Variants in PIGN observed in about 807,000 individuals in gnomAD.
PIGN encodes the protein phosphatidylinositol glycan anchor biosynthesis class N, also known as GPI ethanolamine phosphate transferase 1.
PIGN carries 117 observed loss-of-function variants against 125.4 expected under a neutral mutation model. The observed-to-expected ratio is 0.93, with a 90% CI of 0.80 to 1.09. The LOEUF (loss-of-function observed/expected upper bound fraction) is 1.09. Ranked by LOEUF, PIGN falls within the 50% of genes least tolerant of loss-of-function variation. The pLI is 0.00. For synonymous variants in PIGN, 392 were observed against 377.8 expected (o/e 1.04, Z -0.44); for missense variants, 1,075 against 1,094.9 (o/e 0.98, Z 0.26).
chr18:62,040,058 C>T (rs62096629), downstream of PIGN, among the ~76,000 whole-genome samples: 2,238 of 65,770 alleles, frequency 0.034, 371 homozygotes, highest in East Asian at 0.17. Context: ...GTGCCGCACC[C>T]CATGTTTAGG....
chr18:62,083,687 G>GA (rs202173779), intron 27 of PIGN, among the ~76,000 whole-genome samples: 138 of 151,544 alleles, frequency 9.1e-4, no homozygotes, highest in African/African-American at 3.1e-3. Context: ...AATAAACTGG[G>GA]AAAAAAAACC....
chr18:62,139,556 T>G (rs1188855739), intron 12 of PIGN, among the ~76,000 whole-genome samples: 2 of 152,244 alleles, frequency 1.3e-5, no homozygotes, highest in African/African-American at 4.8e-5. Flanking sequence ...CATTATTTTT[T>G]AAGAGTACAT....
intron 23 of PIGN, among the ~76,000 whole-genome samples, chr18:62,030,762 ATCT>A (rs1176423118): frequency 1.3e-5 from 2 of 152,208 alleles, no homozygotes; most frequent in Non-Finnish European, 2.9e-5. Context: ...AAAGATCATG[ATCT>A]TCTCACCACT....
intron 1 of PIGN, among the ~76,000 whole-genome samples, chr18:62,183,319 G>T (rs1362268823): frequency 2.0e-5 from 3 of 151,242 alleles, no homozygotes; most frequent in Non-Finnish European, 4.4e-5. Context: ...TCCTTAATGT[G>T]ACTAACAAGG....
At chr18:62,134,739 G>C (rs1374446637) in intron 14 of PIGN, among the ~76,000 whole-genome samples, 4 of 152,126 alleles carry the variant, frequency 2.6e-5, no homozygotes, top group Admixed American at 2.6e-4. Flanking sequence ...TTAAAGCCTT[G>C]ATCCACATGA....
intron 7 of PIGN, among the ~76,000 whole-genome samples, chr18:62,152,326 G>A (rs1301470016): frequency 1.3e-5 from 2 of 151,548 alleles, no homozygotes; most frequent in Non-Finnish European, 2.9e-5. Context: ...TATACTTTAA[G>A]TTTTAGGGTA....
chr18:62,073,588 CTGTT>C (rs1288967458), intron 29 of PIGN, among the ~76,000 whole-genome samples: 7 of 152,126 alleles, frequency 4.6e-5, no homozygotes, highest in Non-Finnish European at 1.0e-4. Context: ...ATTAATATGT[CTGTT>C]TGTCACTTTG....
Position 62,157,722 on chromosome 18 carries a change from G to T in PIGN, c.308C>A (p.Ala103Asp). The change falls in exon 5 of 31, where the codon GCT becomes GAT. Residue 103 changes from alanine (A) to aspartate (D), a missense_variant. Around this residue, in one of 3 missense-constraint regions of PIGN, gnomAD observed 152 missense variants for 162.9 expected, o/e 0.93. Coordinates refer to ENST00000640252, the MANE Select transcript of PIGN (RefSeq NM_176787.5). ...TGCACTGACATCTTCATAAAACCCA[G>T]CTATCAGAGCTACATGACCTGGCCG... ...ESRPGHVALI[A>D]GFYEDVSAVA... is the part of the protein sequence containing the mutation. The T allele has an allele frequency of 2.5e-6, 4 of 1,612,092 alleles. No homozygotes were observed. Among genetic ancestry groups the T allele is most frequent in the Non-Finnish European group, 3.4e-6 (4 of 1,178,956 alleles).
chr18:62,051,177 C>G (rs1256505079), intron 30 of PIGN, among the ~76,000 whole-genome samples: 2 of 151,460 alleles, frequency 1.3e-5, no homozygotes, highest in Non-Finnish European at 3.0e-5. Flanking sequence ...TTGGTTGTGT[C>G]TCTGCCCGGC....
At chr18:62,074,073 G>A (rs548425746) in intron 29 of PIGN, among the ~76,000 whole-genome samples, 1 of 152,336 alleles carries the variant, frequency 6.6e-6, no homozygotes, top group South Asian at 2.1e-4. Flanking sequence ...TACTCCATGT[G>A]TACTGTCACA....
At chr18:62,147,240 C>A in intron 8 of PIGN, 139 bp from the exon 9 acceptor site, 4 of 1,096,018 alleles carry the variant, frequency 3.6e-6, no homozygotes, top group Non-Finnish European at 4.9e-6. Context: ...AATCAGAGTA[C>A]TCTAGATTGT....
chr18:62,163,289 A>G (rs1441174266), intron 2 of PIGN, among the ~76,000 whole-genome samples: 1 of 152,144 alleles, frequency 6.6e-6, no homozygotes, highest in African/African-American at 2.4e-5. Flanking sequence ...ACTACGGTAC[A>G]CCTAATAATA....
In PIGN at chr18:62,102,957, T is replaced by C. The variant is rs189453706; in HGVS notation, c.1860-55A>G. On this transcript the variant is annotated intron_variant, in intron 20 of 30. Transcript: ENST00000640252. ...TTCTTCAGATATTTACGAACACATA[T>C]CAGATGGAAATATGAGACATCTTAC... The C allele has an allele frequency of 9.5e-4, 926 of 972,864 alleles. 7 individuals carry two copies. The highest frequency in any genetic ancestry group is 6.1e-3 in the South Asian group (328 of 53,726). The allele number at this position is 972,864 out of a possible 1,614,324, so 60.3% of individuals were successfully genotyped here.
rs148299367 is a variant in PIGN, at chr18:62,165,432, G to C, written c.-235-1776C>G. Among the ~76,000 whole-genome samples, 33 of 152,330 alleles carry C rather than the reference G, an allele frequency of 2.2e-4. No homozygotes were observed. In the East Asian group the frequency reaches 6.0e-3, roughly 28 times the overall value. ...GCTTCAATAAAAGGATATGGGTAAAGAGGTAAAAAATGACTTCCAGATTTC... is the reference window on the plus strand; with the variant it reads ...GCTTCAATAAAAGGATATGGGTAAACAGGTAAAAAATGACTTCCAGATTTC... On this transcript the variant is annotated intron_variant, in intron 1 of 30. Transcript: ENST00000640252.
At chr18:62,057,698 A>G (rs78414522) in intron 30 of PIGN, among the ~76,000 whole-genome samples, 5 of 152,166 alleles carry the variant, frequency 3.3e-5, no homozygotes, top group African/African-American at 1.2e-4. Flanking sequence ...AATTCTTTAC[A>G]ATGACTTTCA....
intron 14 of PIGN, among the ~76,000 whole-genome samples, chr18:62,125,125 AATATACACGTTTGTACATATGTGT>A (rs1568202863): frequency 1.1e-4 from 10 of 93,546 alleles, no homozygotes; most frequent in African/African-American, 3.1e-4. Context: ...TGTGTATATA[AATATACACGTTTGTACATATGTGT>A]ATATACATGT....
At chr18:62,113,668 T>G (rs2034970992) in intron 15 of PIGN, among the ~76,000 whole-genome samples, 1 of 152,174 alleles carries the variant, frequency 6.6e-6, no homozygotes, top group African/African-American at 2.4e-5. Context: ...ATTTATATTT[T>G]TTCTCATATG....
chr18:62,040,664 T>C (rs1205250459), downstream of PIGN, among the ~76,000 whole-genome samples: 1 of 152,182 alleles, frequency 6.6e-6, no homozygotes, highest in South Asian at 2.1e-4. Flanking sequence ...TAAGCAAACA[T>C]GTATCAGGCA....
In PIGN at chr18:62,070,271, G is replaced by A. The variant is rs1599446381; in HGVS notation, c.2672+2402C>T. 3.5e-5 allele frequency: 14 copies of A among 395,530 alleles called. No homozygotes were observed. The East Asian group carries it at 5.0e-4, about 14-fold the overall frequency. The allele number at this position is 395,530 out of a possible 1,614,324, so 24.5% of individuals were successfully genotyped here. A position where few individuals can be genotyped will look rare whatever the true frequency, so the allele number is the denominator to read the frequency against. On this transcript the variant is annotated intron_variant, in intron 30 of 30. Coordinates refer to ENST00000640252, the MANE Select transcript of PIGN (RefSeq NM_176787.5). ...CCATGCTCTGGCCACTATCCGCCTGGACACTTTAGAATGAGAGGGCTGGGA... is the reference window on the plus strand; with the variant it reads ...CCATGCTCTGGCCACTATCCGCCTGAACACTTTAGAATGAGAGGGCTGGGA...
Sources: gnomAD v4.1 joint callset for allele counts (sites outside exome capture counted in the v4.1 genomes callset) on GRCh38, gnomAD v4.1.1 for gene constraint, gnomAD v4.1.1 regional missense constraint, MANE v1.5 for transcripts, NCBI Gene and HGNC (gene_info 2026-07-23, HGNC 2026-07-21) for gene names.